Variants in SHPK observed in about 807,000 individuals in gnomAD.
SHPK encodes the protein sedoheptulokinase.
A neutral mutation model predicts 46.3 loss-of-function variants in SHPK; 51 were observed. The observed-to-expected ratio is 1.10, with a 90% confidence interval of 0.88 to 1.39. The LOEUF (loss-of-function observed/expected upper bound fraction) is 1.39. Ranked by LOEUF, SHPK falls within the 40% of genes most tolerant of loss-of-function variation. SHPK has a pLI of 0.00. For missense variants in SHPK, 668 were observed against 641.3 expected (o/e 1.04, Z -0.45); for synonymous variants, 290 against 273.9 (o/e 1.06, Z -0.58).
At chr17:3,623,140 C>T (rs1283871742) in intron 4 of SHPK, among the ~76,000 whole-genome samples, 199 bp downstream of exon 4, 2 of 152,202 alleles carry the variant, frequency 1.3e-5, no homozygotes, top group Admixed American at 6.5e-5. Flanking sequence ...GAGGCCCCTA[C>T]CCAAGGGCTC....
chr17:3,630,468 T>A (rs971837466), intron 1 of SHPK, 122 bp from the exon 2 acceptor site: 16 of 1,003,602 alleles, frequency 1.6e-5, no homozygotes, highest in Non-Finnish European at 2.3e-5. Context: ...AACTTCACAG[T>A]TGAGGCACTG....
chr17:3,633,177 C>T (rs2075483717), intron 1 of SHPK, among the ~76,000 whole-genome samples: 1 of 151,608 alleles, frequency 6.6e-6, no homozygotes, highest in South Asian at 2.1e-4. Context: ...GACAGGGTTT[C>T]ACCATGTTGG....
Position 3,636,205 on chromosome 17 carries a change from C to A in SHPK, c.15G>T (p.Pro5=). The change falls in exon 1 of 7, where the codon CCG becomes CCT. Residue 5 remains proline (P), a synonymous_variant. Transcript: ENST00000225519. The part of the protein sequence containing the change: MAAR[P]ITLGIDLGTT... ...TGCCCAGGTCAATGCCGAGGGTGATCGGCCGCGCAGCCATTATCTCCCTGA... is the reference window on the plus strand; with the variant it reads ...TGCCCAGGTCAATGCCGAGGGTGATAGGCCGCGCAGCCATTATCTCCCTGA... 1 of 1,604,338 alleles carries A rather than the reference C, an allele frequency of 6.2e-7. No individual in the cohort carries two copies. Among genetic ancestry groups the A allele is most frequent in the East Asian group, 2.3e-5 (1 of 44,356 alleles).
rs370666184 is a variant in SHPK at position 3,613,589 on chromosome 17, G to A, written c.1024+1748C>T. ...TCACTATATTGGCCAGGCTGGTCTC[G>A]AACTCCTGACCTCAGGTGATCCGCC... On this transcript the variant is annotated intron_variant, in intron 6 of 6. Transcript: ENST00000225519. 9.9e-5 allele frequency among the ~76,000 whole-genome samples: 15 copies of A among 151,976 alleles called. No homozygotes were observed. The East Asian group carries it at 1.5e-3, about 16-fold the overall frequency.
intron 5 of SHPK, chr17:3,619,749 T>A (rs1443525741): frequency 3.1e-4 from 112 of 361,728 alleles, no homozygotes; most frequent in East Asian, 8.7e-4. Flanking sequence ...AAAAAAAAAA[T>A]TTGGAAGAAG....
intron 4 of SHPK, 34 bp downstream of exon 4, chr17:3,623,305 C>G (rs372079749): frequency 4.2e-5 from 67 of 1,612,460 alleles, no homozygotes; most frequent in Non-Finnish European, 4.7e-5. Context: ...CAGATTGGAG[C>G]AGGAGGAACA....
intron 2 of SHPK, among the ~76,000 whole-genome samples, chr17:3,625,576 C>T (rs950412434): frequency 2.0e-5 from 3 of 152,168 alleles, no homozygotes; most frequent in Non-Finnish European, 4.4e-5. Flanking sequence ...CCACCGTGAC[C>T]CCCTGGACCA....
rs147112235 is a variant in SHPK, at chr17:3,630,312, G to A, written c.203C>T (p.Ala68Val). The A allele has an allele frequency of 6.2e-7, 1 of 1,613,262 alleles. No individual in the cohort carries two copies. The highest frequency in any genetic ancestry group is 1.1e-5 in the South Asian group (1 of 91,076). The change falls in exon 2 of 7, where the codon GCC becomes GTC. Residue 68 changes from alanine to valine, a missense_variant. Transcript: ENST00000225519. ...AAGGGCAGCAAGGCACTCGTGTAGGGCTTGGAGGATTCTACTCACATCCTG... is the reference window on the plus strand; with the variant it reads ...AAGGGCAGCAAGGCACTCGTGTAGGACTTGGAGGATTCTACTCACATCCTG... ...REQDVSRILQ[A>V]LHECLAALPR...
At chr17:3,617,583 T>C (rs2150868626) in intron 5 of SHPK, among the ~76,000 whole-genome samples, 1 of 152,322 alleles carries the variant, frequency 6.6e-6, no homozygotes, top group South Asian at 2.1e-4. Flanking sequence ...TCAGAACATT[T>C]GCTTTTCTAG....
intron 6 of SHPK, 52 bp downstream of exon 6, chr17:3,615,285 C>T: frequency 6.3e-7 from 1 of 1,579,802 alleles, no homozygotes; most frequent in Non-Finnish European, 8.7e-7. Flanking sequence ...CGAGACCCTG[C>T]CGGGTAGAAA....
In SHPK at chr17:3,626,866, G is replaced by A. The variant is rs576667106; in HGVS notation, c.311-2635C>T. ...GCCCAGATCGCTCCATTGTACTCCA[G>A]CCTGGGTGACAAGAGCAAGACTCCA... is the stretch of plus-strand genomic sequence containing the variant. On this transcript the variant is annotated intron_variant, in intron 2 of 6. Coordinates refer to ENST00000225519, the MANE Select transcript of SHPK (RefSeq NM_013276.4). Among the ~76,000 whole-genome samples, 3 of 151,862 alleles carry A rather than the reference G, an allele frequency of 2.0e-5. No homozygotes were observed. In the East Asian group the frequency reaches 5.8e-4, roughly 29 times the overall value.
intron 1 of SHPK, among the ~76,000 whole-genome samples, chr17:3,634,530 C>T (rs1322080221): frequency 6.8e-6 from 1 of 147,804 alleles, no homozygotes; most frequent in Non-Finnish European, 1.5e-5. Flanking sequence ...AGAGATTGCA[C>T]CACTGCACTC....
At chr17:3,626,912 A>T (rs1567685754) in intron 2 of SHPK, among the ~76,000 whole-genome samples, 1 of 151,816 alleles carries the variant, frequency 6.6e-6, no homozygotes, top group Non-Finnish European at 1.5e-5. Context: ...AATAAAAAAT[A>T]AAAAAAATAC....
rs762314806 is a variant in SHPK at position 3,615,439 on chromosome 17, G to A, written c.922C>T (p.Pro308Ser). 2 of 1,614,206 alleles carry A rather than the reference G, an allele frequency of 1.2e-6. No individual in the cohort carries two copies. The highest frequency in any genetic ancestry group is 1.7e-5 in the Admixed American group (1 of 60,024). ...PDPTAPVAYFPYFNRTYLGVA... is the reference protein window; with the variant it reads ...PDPTAPVAYFSYFNRTYLGVA... ...CCCAGGTAGGTCCTGTTGAAGTATG[G>A]GAAGTAGGCGACTGGGGCCGTAGGG... The change falls in exon 6 of 7, where the codon CCA (proline) becomes TCA (serine). Residue 308 changes from proline (P) to serine (S), a missense_variant. Physicochemically the swap from Pro to Ser is moderately conservative, Grantham distance 74. Coordinates refer to ENST00000225519, the MANE Select transcript of SHPK (RefSeq NM_013276.4).
At position 3,630,111 on chromosome 17, in the gene SHPK, A is replaced by C. The variant is rs1046299224; in HGVS notation, c.310+94T>G. ...AACAAGACCCTATTCCCACTGCAGGATAACCCGACCCTTCACAGAAAGCCC... is the reference window on the plus strand; with the variant it reads ...AACAAGACCCTATTCCCACTGCAGGCTAACCCGACCCTTCACAGAAAGCCC... On this transcript the variant is annotated intron_variant, in intron 2 of 6. Transcript: ENST00000225519. 10 of 1,509,766 alleles carry C rather than the reference A, an allele frequency of 6.6e-6. No individual in the cohort carries two copies. The African/African-American group carries it at 1.4e-4, about 21-fold the overall frequency. 93.5% of individuals were successfully genotyped at this position (1,509,766 alleles called of 1,614,324 possible).
At position 3,610,744 on chromosome 17, in the gene SHPK, T is replaced by A. The variant is rs747530642; in HGVS notation, c.1253A>T (p.Gln418Leu). The change falls in exon 7 of 7, where the codon CAG becomes CTG. Residue 418 changes from glutamine to leucine, a missense_variant. Gln to Leu is a moderately radical substitution (Grantham distance 113). Transcript: ENST00000225519. ...QNLHSMLPIQQLQEWGVERVM... is the reference protein window; with the variant it reads ...QNLHSMLPIQLLQEWGVERVM... ...CCTCTCCACGCCCCACTCCTGGAGC[T>A]GCTGAATCGGAAGCATGGAGTGCAG... 4 of 1,614,122 alleles carry A rather than the reference T, an allele frequency of 2.5e-6. No individual in the cohort carries two copies. Among genetic ancestry groups the A allele is most frequent in the Admixed American group, 3.3e-5 (2 of 60,016 alleles).
rs868353999 is a variant in SHPK at position 3,612,173 on chromosome 17, C to A, written c.1025-1201G>T. ...CAAGCGCGGTGGCTTACGCTGTAATCCCAGCACTTTGGGAGGTCAAGACAG... is the reference window on the plus strand; with the variant it reads ...CAAGCGCGGTGGCTTACGCTGTAATACCAGCACTTTGGGAGGTCAAGACAG... On this transcript the variant is annotated intron_variant, in intron 6 of 6. Coordinates refer to ENST00000225519, the MANE Select transcript of SHPK (RefSeq NM_013276.4). Among the ~76,000 whole-genome samples, 83 of 151,866 alleles carry A rather than the reference C, an allele frequency of 5.5e-4. 2 individuals carry two copies. Among genetic ancestry groups the A allele is most frequent in the Middle Eastern group, 3.4e-3 (1 of 290 alleles).
chr17:3,623,505 CA>C lies in SHPK; in HGVS notation c.495-15del. 6.2e-7 allele frequency: 1 copy of C among 1,612,958 alleles called. No homozygotes were observed. The highest frequency in any genetic ancestry group is 8.5e-7 in the Non-Finnish European group (1 of 1,178,958). On this transcript the variant is annotated splice_polypyrimidine_tract_variant and intron_variant, in intron 3 of 6. Coordinates refer to ENST00000225519, the MANE Select transcript of SHPK (RefSeq NM_013276.4). ...AGGAACTCTGGGCTGTTTTTCATAC[CA>C]AAAACAACCAACACGGTATAACATG...
chr17:3,633,767 T>C (rs1463674028), intron 1 of SHPK, among the ~76,000 whole-genome samples: 1 of 152,088 alleles, frequency 6.6e-6, no homozygotes, highest in African/African-American at 2.4e-5. Flanking sequence ...CTGGGTAGTG[T>C]ACCCAACAGC....
Sources: allele counts gnomAD v4.1 joint callset (sites outside exome capture counted in the v4.1 genomes callset), GRCh38; gene constraint gnomAD v4.1.1; transcripts MANE v1.5; gene names NCBI Gene and HGNC (gene_info 2026-07-23, HGNC 2026-07-21).